The following CHCHD3 variants were observed in gnomAD, a reference collection of about 807,000 sequenced individuals.
The protein encoded by CHCHD3 is MICOS complex subunit MIC19.
Under a neutral mutation model 38.2 loss-of-function variants are expected in CHCHD3, and 20 were observed. The ratio of observed to expected loss-of-function variants is 0.52; its 90% confidence interval spans 0.37 to 0.76. The LOEUF is 0.76. CHCHD3 is among the 30% of genes least tolerant of loss of function. The pLI, the probability that CHCHD3 is intolerant of heterozygous loss-of-function variation, is 0.00. For synonymous variants in CHCHD3, 82 were observed against 100.0 expected (o/e 0.82, Z 1.07); for missense variants, 245 against 279.2 (o/e 0.88, Z 0.87).
chr7:132,978,252 A>G lies in CHCHD3; in HGVS notation c.252-2966T>C, dbSNP rs186932798. On this transcript the variant is annotated intron_variant, in intron 3 of 7. Transcript: ENST00000262570. The stretch of plus-strand genomic sequence containing the variant: ...ACGAAATGAAGAAGACAATCTCCAA[A>G]TTCACTAACTACAATGCCATCTCCA... 3.2e-3 allele frequency among the ~76,000 whole-genome samples: 491 copies of G among 152,294 alleles called. 3 individuals carry two copies. In the South Asian group the frequency reaches 0.037, roughly 11 times the overall value.
chr7:132,930,440 A>T (rs972992839), intron 4 of CHCHD3, among the ~76,000 whole-genome samples: 40 of 152,134 alleles, frequency 2.6e-4, no homozygotes, highest in Non-Finnish European at 2.9e-5. Flanking sequence ...AAGTGCTGGG[A>T]TTACAGGCGT....
Position 133,035,893 on chromosome 7 carries a change from G to T in CHCHD3, c.170-11266C>A. 1 of 1,611,446 alleles carries T rather than the reference G, an allele frequency of 6.2e-7. No homozygotes were observed. The highest frequency in any genetic ancestry group is 8.5e-7 in the Non-Finnish European group (1 of 1,178,026). ...GCCTTGAAGGCCCTCCAGTTTTCAG[G>T]ATACGTGTACAGGGTCCCAGCCGCC... is the stretch of plus-strand genomic sequence containing the variant. On this transcript the variant is annotated intron_variant, in intron 2 of 7. Coordinates refer to ENST00000262570, the MANE Select transcript of CHCHD3 (RefSeq NM_017812.4). This position sits in a 1 kb window ranked among gnomAD's most constrained non-coding sequence, Gnocchi z 4.7.
intron 5 of CHCHD3, among the ~76,000 whole-genome samples, chr7:132,840,455 T>A (rs973151834): frequency 1.3e-5 from 2 of 152,238 alleles, no homozygotes; most frequent in Non-Finnish European, 2.9e-5. Flanking sequence ...GGAACTGTAA[T>A]ATCTGGAGAG....
At chr7:132,974,334 T>C (rs116044268) in intron 4 of CHCHD3, among the ~76,000 whole-genome samples, 2,632 of 152,296 alleles carry the variant, frequency 0.017, 81 homozygotes, top group African/African-American at 0.06. Context: ...AAAACATGTC[T>C]ATGTAATCTT....
intron 4 of CHCHD3, among the ~76,000 whole-genome samples, chr7:132,971,462 C>A (rs1169247346): frequency 6.6e-6 from 1 of 152,164 alleles, no homozygotes; most frequent in Non-Finnish European, 1.5e-5. Context: ...AAGTTTTGAT[C>A]TGATCCTATT....
At chr7:133,081,146 C>G (rs1220619749) in intron 1 of CHCHD3, among the ~76,000 whole-genome samples, 1 of 152,188 alleles carries the variant, frequency 6.6e-6, no homozygotes, top group Non-Finnish European at 1.5e-5. Context: ...GACTACATTA[C>G]TTCTACTGGT....
At chr7:132,897,975 G>A (rs1809546494) in intron 4 of CHCHD3, among the ~76,000 whole-genome samples, 1 of 152,114 alleles carries the variant, frequency 6.6e-6, no homozygotes, top group African/African-American at 2.4e-5. Flanking sequence ...TGGCGGGTTC[G>A]TGGTCTCGCT....
chr7:133,043,721 A>C (rs1813897948), intron 2 of CHCHD3, among the ~76,000 whole-genome samples: 1 of 152,024 alleles, frequency 6.6e-6, no homozygotes, highest in Non-Finnish European at 1.5e-5. Flanking sequence ...CACTTAGGGA[A>C]GTTAACTTAT....
chr7:132,953,349 A>G (rs1811078433), intron 4 of CHCHD3, among the ~76,000 whole-genome samples: 1 of 152,154 alleles, frequency 6.6e-6, no homozygotes, highest in Admixed American at 6.5e-5. Flanking sequence ...CGAGGCTCCT[A>G]TGTCTACTCA....
intron 5 of CHCHD3, among the ~76,000 whole-genome samples, chr7:132,875,528 T>C (rs1331877703): frequency 6.6e-6 from 1 of 152,198 alleles, no homozygotes; most frequent in Non-Finnish European, 1.5e-5. Flanking sequence ...CAAAATCCCA[T>C]GATCTTTAGC....
intron 7 of CHCHD3, among the ~76,000 whole-genome samples, chr7:132,789,452 C>T (rs7794308): frequency 2.6e-5 from 4 of 152,122 alleles, no homozygotes; most frequent in Non-Finnish European, 4.4e-5. Context: ...GAAGAACAAC[C>T]GGCAGCTCAC....
At chr7:133,050,410 C>G (rs1407544750) in intron 2 of CHCHD3, among the ~76,000 whole-genome samples, 1 of 138,498 alleles carries the variant, frequency 7.2e-6, no homozygotes, top group Non-Finnish European at 1.5e-5. Context: ...GAAGAAAATT[C>G]CAGGATAGAC....
chr7:133,036,859 G>T (rs974451723), intron 2 of CHCHD3, among the ~76,000 whole-genome samples: 1 of 152,176 alleles, frequency 6.6e-6, no homozygotes, highest in African/African-American at 2.4e-5. Context: ...TAGTTTGCAA[G>T]AGACTGTTTA....
chr7:133,052,518 G>A (rs1258935912), intron 2 of CHCHD3, among the ~76,000 whole-genome samples: 2 of 152,220 alleles, frequency 1.3e-5, no homozygotes, highest in African/African-American at 4.8e-5. Flanking sequence ...GGGCAAAACA[G>A]CAAGCAGGAG....
At chr7:132,921,026 A>T (rs1810247257) in intron 4 of CHCHD3, among the ~76,000 whole-genome samples, 1 of 152,172 alleles carries the variant, frequency 6.6e-6, no homozygotes, top group African/African-American at 2.4e-5. Context: ...ATGGCAATTG[A>T]TAGAGGTTAT....
At chr7:132,984,822 C>T (rs930088343) in intron 3 of CHCHD3, among the ~76,000 whole-genome samples, 1 of 134,562 alleles carries the variant, frequency 7.4e-6, no homozygotes, top group South Asian at 2.5e-4. Context: ...AGCGTCTCCG[C>T]CCGGCAGCCA....
At chr7:132,873,960 C>T (rs749263423) in intron 5 of CHCHD3, among the ~76,000 whole-genome samples, 7 of 152,150 alleles carry the variant, frequency 4.6e-5, no homozygotes, top group Non-Finnish European at 1.0e-4. Flanking sequence ...AGGACCCTCA[C>T]CTAAATTTCA....
At chr7:132,951,039 C>T (rs1431658913) in intron 4 of CHCHD3, among the ~76,000 whole-genome samples, 1 of 152,174 alleles carries the variant, frequency 6.6e-6, no homozygotes, top group Non-Finnish European at 1.5e-5. Context: ...TGCTGTGTTG[C>T]TCAAGGGGAG....
At chr7:132,979,637 G>T (rs1811866297) in intron 3 of CHCHD3, among the ~76,000 whole-genome samples, 1 of 152,154 alleles carries the variant, frequency 6.6e-6, no homozygotes, top group South Asian at 2.1e-4. Context: ...ATTTCCTTCA[G>T]TTAGATTCCT....
Sources: allele counts gnomAD v4.1 joint callset (sites outside exome capture counted in the v4.1 genomes callset), GRCh38; gene constraint gnomAD v4.1.1; non-coding constraint Gnocchi (gnomAD v3.1); transcripts MANE v1.5; gene names NCBI Gene and HGNC (gene_info 2026-07-23, HGNC 2026-07-21).